BLOC1S5: variants seen among roughly 807,000 people sequenced by gnomAD.
BLOC1S5 encodes the protein biogenesis of lysosomal organelles complex 1 subunit 5.
Under a neutral mutation model 24.3 loss-of-function variants are expected in BLOC1S5, and 27 were observed. The observed-to-expected ratio is 1.11, with a 90% CI of 0.82 to 1.53. The LOEUF (loss-of-function observed/expected upper bound fraction) is 1.53, where lower values mean the gene tolerates loss of function less well. BLOC1S5 is among the 40% of genes most tolerant of loss of function. BLOC1S5 has a pLI of 0.00. For synonymous variants in BLOC1S5, 84 were observed against 74.5 expected (o/e 1.13, Z -0.66); for missense variants, 239 against 229.4 (o/e 1.04, Z -0.27).
intron 2 of BLOC1S5, among the ~76,000 whole-genome samples, chr6:8,057,604 G>T (rs201473129): frequency 6.6e-6 from 1 of 152,116 alleles, no homozygotes; most frequent in East Asian, 1.9e-4. Flanking sequence ...GTGTTATATG[G>T]AACAGACACT....
chr6:8,064,237 C>G (rs1028968153), intron 1 of BLOC1S5, 28 bp downstream of exon 1: 16 of 1,585,290 alleles, frequency 1.0e-5, no homozygotes, highest in African/African-American at 2.7e-5. Context: ...TGGGATCCAC[C>G]AGGAACTATA....
At chr6:8,030,815 T>C (rs1763269588) in intron 3 of BLOC1S5, among the ~76,000 whole-genome samples, 1 of 141,030 alleles carries the variant, frequency 7.1e-6, no homozygotes, top group Non-Finnish European at 1.5e-5. Context: ...GAGGTTGCAG[T>C]GAGCCAAGAT....
At chr6:8,049,829 A>G (rs1278347562) in intron 2 of BLOC1S5, among the ~76,000 whole-genome samples, 1 of 151,950 alleles carries the variant, frequency 6.6e-6, no homozygotes, top group African/African-American at 2.4e-5. Flanking sequence ...CTCCCGCCTC[A>G]GCCCCCAAGT....
intron 2 of BLOC1S5, among the ~76,000 whole-genome samples, chr6:8,048,941 G>A (rs1764003971): frequency 1.3e-5 from 2 of 150,496 alleles, no homozygotes; most frequent in Non-Finnish European, 3.0e-5. Flanking sequence ...TGAACCCAGG[G>A]TGGCAGAAGC....
chr6:8,055,379 G>C (rs1164549007), intron 2 of BLOC1S5, among the ~76,000 whole-genome samples: 1 of 152,230 alleles, frequency 6.6e-6, no homozygotes, highest in African/African-American at 2.4e-5. Flanking sequence ...AGGTTGTAGT[G>C]AGCCGAGATT....
intron 3 of BLOC1S5, among the ~76,000 whole-genome samples, chr6:8,030,113 C>T (rs1465746834): frequency 6.6e-6 from 1 of 152,148 alleles, no homozygotes; most frequent in Non-Finnish European, 1.5e-5. Context: ...TCAGTGATCT[C>T]CAGGATAACA....
At chr6:8,063,305 T>C (rs1341719802) in intron 1 of BLOC1S5, among the ~76,000 whole-genome samples, 1 of 152,158 alleles carries the variant, frequency 6.6e-6, no homozygotes, top group East Asian at 1.9e-4. Context: ...TGAATGTTCA[T>C]TGTAAGTCTC....
At chr6:8,057,346 C>T (rs1764350611) in intron 2 of BLOC1S5, among the ~76,000 whole-genome samples, 1 of 152,140 alleles carries the variant, frequency 6.6e-6, no homozygotes, top group African/African-American at 2.4e-5. Context: ...TGTTTTTATG[C>T]TGATATTTTT....
At chr6:8,063,552 T>C (rs1757335505) in intron 1 of BLOC1S5, among the ~76,000 whole-genome samples, 1 of 152,210 alleles carries the variant, frequency 6.6e-6, no homozygotes, top group Non-Finnish European at 1.5e-5. Flanking sequence ...TTTTAATGAA[T>C]TTTATTAGTA....
At chr6:8,056,354 T>C (rs955070129) in intron 2 of BLOC1S5, among the ~76,000 whole-genome samples, 27 of 152,184 alleles carry the variant, frequency 1.8e-4, no homozygotes, top group African/African-American at 2.9e-4. Context: ...CACAGAAGCC[T>C]TTTAGCTGTT....
intron 3 of BLOC1S5, among the ~76,000 whole-genome samples, chr6:8,032,578 G>A (rs1405229174): frequency 1.3e-5 from 2 of 152,116 alleles, no homozygotes; most frequent in East Asian, 1.9e-4. Flanking sequence ...AGACAAGGAC[G>A]CCCTCTCTCA....
intron 2 of BLOC1S5, among the ~76,000 whole-genome samples, chr6:8,041,651 C>CTTTTTTTT (rs1423781176): frequency 2.7e-4 from 13 of 48,620 alleles, no homozygotes; most frequent in South Asian, 9.5e-4. Context: ...TTCTTTCTTT[C>CTTTTTTTT]TTTCTTTTTT....
At chr6:8,057,979 A>T (rs1333859793) in intron 2 of BLOC1S5, among the ~76,000 whole-genome samples, 1 of 152,104 alleles carries the variant, frequency 6.6e-6, no homozygotes, top group Non-Finnish European at 1.5e-5. Context: ...TTACACCATG[A>T]TGACTCTTTG....
rs60827828 is a variant in BLOC1S5, at chr6:8,058,357, G to GAAAAAAA, written c.195+4170_195+4176dup. 9.5e-4 allele frequency among the ~76,000 whole-genome samples: 80 copies of GAAAAAAA among 84,566 alleles called. 3 individuals are homozygous for GAAAAAAA. The highest frequency in any genetic ancestry group is 2.4e-3 in the African/African-American group (67 of 28,268). The allele number at this position is 84,566 out of a possible 152,430, so 55.5% of individuals were successfully genotyped here. On this transcript the variant is annotated intron_variant, in intron 2 of 4. Coordinates refer to ENST00000397457, the MANE Select transcript of BLOC1S5 (RefSeq NM_201280.3). ...CAACACAGTGAGACCCTGTCTCTATGAAAAAAAAAAAAAAAAAAAAAAAAA... is the reference window on the plus strand; with the variant it reads ...CAACACAGTGAGACCCTGTCTCTATGAAAAAAAAAAAAAAAAAAAAAAAAAAAAAAAA...
rs926353008 is a variant in BLOC1S5, at chr6:8,015,115, G to C, written c.*534C>G. The C allele has an allele frequency of 6.6e-5, 10 of 152,064 alleles. No individual in the cohort carries two copies. Among genetic ancestry groups the C allele is most frequent in the African/African-American group, 2.4e-4 (10 of 41,242 alleles). The allele number at this position is 152,064 out of a possible 1,614,324, so 9.4% of individuals were successfully genotyped here. ...GCGTGGCCATCTTTGCCACAGCAGA[G>C]ACAATGTGTTCACTCTCACCTCTCT... On this transcript the variant is annotated 3_prime_UTR_variant, in exon 5 of 5. Coordinates refer to ENST00000397457, the MANE Select transcript of BLOC1S5 (RefSeq NM_201280.3).
intron 2 of BLOC1S5, among the ~76,000 whole-genome samples, chr6:8,054,601 C>A (rs1319012891): frequency 6.6e-6 from 1 of 152,202 alleles, no homozygotes; most frequent in African/African-American, 2.4e-5. Context: ...TGCCTTCTGG[C>A]ATGAGACAGA....
At chr6:8,048,457 T>C (rs1034807635) in intron 2 of BLOC1S5, among the ~76,000 whole-genome samples, 1 of 151,860 alleles carries the variant, frequency 6.6e-6, no homozygotes, top group East Asian at 1.9e-4. Context: ...TAGATATATC[T>C]TGAGTTCATA....
At chr6:8,060,881 A>G (rs1764486598) in intron 2 of BLOC1S5, among the ~76,000 whole-genome samples, 1 of 151,992 alleles carries the variant, frequency 6.6e-6, no homozygotes. Context: ...CTGGAGTGCA[A>G]TGGCGCGTTC....
chr6:8,058,883 A>C (rs1284612223), intron 2 of BLOC1S5, among the ~76,000 whole-genome samples: 1 of 152,258 alleles, frequency 6.6e-6, no homozygotes, highest in Non-Finnish European at 1.5e-5. Context: ...GATATCTGTC[A>C]CTATTAACTA....
Sources: gnomAD v4.1 joint callset for allele counts (sites outside exome capture counted in the v4.1 genomes callset) on GRCh38, gnomAD v4.1.1 for gene constraint, MANE v1.5 for transcripts, NCBI Gene and HGNC (gene_info 2026-07-23, HGNC 2026-07-21) for gene names.